Variants in CDH12 observed in about 807,000 individuals in gnomAD.
The protein encoded by CDH12 is cadherin 12.
In CDH12, 41 loss-of-function variants were observed where a neutral mutation model predicts 74.1. That is an observed-to-expected ratio of 0.55 (90% CI 0.43 to 0.72). The LOEUF (loss-of-function observed/expected upper bound fraction) is 0.72. CDH12 is among the 30% of genes least tolerant of loss of function. The pLI is 0.00. For missense variants in CDH12, 945 were observed against 977.2 expected, an observed-to-expected ratio of 0.97 and a Z score of 0.44; for synonymous variants, 399 against 355.0, an observed-to-expected ratio of 1.12 and a Z score of -1.39.
At chr5:22,065,259 C>A (rs1025458401) in intron 5 of CDH12, among the ~76,000 whole-genome samples, 1 of 152,066 alleles carries the variant, frequency 6.6e-6, no homozygotes, top group African/African-American at 2.4e-5. Flanking sequence ...CATTAAATAC[C>A]AAAAGAACTA....
intron 4 of CDH12, among the ~76,000 whole-genome samples, chr5:22,168,726 A>G (rs1748839657): frequency 6.6e-6 from 1 of 151,132 alleles, no homozygotes; most frequent in Non-Finnish European, 1.5e-5. Flanking sequence ...TGATTCAAAT[A>G]CTGTTTTGAG....
Position 22,497,937 on chromosome 5 carries a change from G to T in CDH12, c.-428+7333C>A, listed in dbSNP as rs1378890287. ...GGATTACAGGGATGAGCCAGCGTGA[G>T]CCACCGTGCCCAGCTGAACCTCTTC... On this transcript the variant is annotated intron_variant, in intron 2 of 14. Transcript: ENST00000382254. 3.3e-5 allele frequency among the ~76,000 whole-genome samples: 5 copies of T among 151,910 alleles called. No homozygotes were observed. In the East Asian group the frequency reaches 9.7e-4, roughly 30 times the overall value.
At chr5:22,599,221 C>T (rs375757859) in intron 1 of CDH12, among the ~76,000 whole-genome samples, 55 of 152,264 alleles carry the variant, frequency 3.6e-4, no homozygotes, top group African/African-American at 1.3e-3. Flanking sequence ...CAGAAAATTG[C>T]ACTATTCATT....
At chr5:22,585,147 CGTT>C (rs1740319257) in intron 1 of CDH12, among the ~76,000 whole-genome samples, 1 of 152,058 alleles carries the variant, frequency 6.6e-6, no homozygotes, top group Non-Finnish European at 1.5e-5. Context: ...CTGAAAGTAA[CGTT>C]GTTTTTGAAA....
At chr5:22,049,247 G>C (rs1740178963) in intron 5 of CDH12, among the ~76,000 whole-genome samples, 1 of 151,808 alleles carries the variant, frequency 6.6e-6, no homozygotes, top group African/African-American at 2.4e-5. Flanking sequence ...CTGATATCCA[G>C]AATTCAGCAA....
At chr5:22,716,611 T>TAA (rs34809327) in intron 1 of CDH12, among the ~76,000 whole-genome samples, 1 of 144,236 alleles carries the variant, frequency 6.9e-6, no homozygotes, top group Admixed American at 6.9e-5. Flanking sequence ...CCTGAAAACT[T>TAA]AAAAAAAAAA....
intron 1 of CDH12, among the ~76,000 whole-genome samples, chr5:22,576,453 T>C (rs1217439018): frequency 2.6e-5 from 4 of 152,168 alleles, no homozygotes; most frequent in Non-Finnish European, 5.9e-5. Flanking sequence ...ACATTAATCA[T>C]AAATTGAGAT....
chr5:22,723,325 T>C (rs1190223019), intron 1 of CDH12, among the ~76,000 whole-genome samples: 1 of 152,130 alleles, frequency 6.6e-6, no homozygotes. Flanking sequence ...TTACTTTGTA[T>C]GAAAAGTACA....
At chr5:22,498,901 CTTTTTTTTT>C (rs34550762) in intron 2 of CDH12, among the ~76,000 whole-genome samples, 8 of 73,434 alleles carry the variant, frequency 1.1e-4, no homozygotes, top group African/African-American at 5.4e-5. Context: ...TTTTCTGTTT[CTTTTTTTTT>C]TTTTTTTTTT....
chr5:22,314,420 C>T, intron 3 of CDH12, among the ~76,000 whole-genome samples: 1 of 152,090 alleles, frequency 6.6e-6, no homozygotes, highest in Admixed American at 6.6e-5. Flanking sequence ...GCGGAAGAGA[C>T]ATTCGGGTTG....
At chr5:22,101,245 C>T (rs1347767665) in intron 4 of CDH12, among the ~76,000 whole-genome samples, 2 of 151,532 alleles carry the variant, frequency 1.3e-5, no homozygotes, top group African/African-American at 2.4e-5. Context: ...ATTTCATCTC[C>T]ATACAGATAT....
At chr5:22,679,376 C>G (rs1169580683) in intron 1 of CDH12, among the ~76,000 whole-genome samples, 2 of 151,986 alleles carry the variant, frequency 1.3e-5, no homozygotes, top group African/African-American at 4.8e-5. Context: ...AAAGAGGATG[C>G]ATTTTGAAGA....
At chr5:22,835,559 A>C (rs1057383773) in intron 1 of CDH12, among the ~76,000 whole-genome samples, 4 of 152,164 alleles carry the variant, frequency 2.6e-5, no homozygotes, top group African/African-American at 9.7e-5. Context: ...GGGTTTATTT[A>C]GTGATTATTC....
chr5:22,028,306 A>C (rs1291401328), intron 5 of CDH12, among the ~76,000 whole-genome samples: 1 of 152,162 alleles, frequency 6.6e-6, no homozygotes, highest in Non-Finnish European at 1.5e-5. Flanking sequence ...AATTAGGAAA[A>C]GAAGAAGTCA....
At chr5:22,720,163 G>A (rs1010246480) in intron 1 of CDH12, among the ~76,000 whole-genome samples, 5 of 152,144 alleles carry the variant, frequency 3.3e-5, no homozygotes, top group African/African-American at 9.7e-5. Flanking sequence ...TGTTGAAGGA[G>A]GGACCCGGTG....
chr5:22,413,716 CACACAT>C (rs1561384687), intron 2 of CDH12, among the ~76,000 whole-genome samples: 1 of 151,944 alleles, frequency 6.6e-6, no homozygotes, highest in Non-Finnish European at 1.5e-5. Flanking sequence ...AGCATATAGA[CACACAT>C]ACATATAGAA....
chr5:21,950,552 C>G (rs1012477024), intron 6 of CDH12, among the ~76,000 whole-genome samples: 7 of 151,078 alleles, frequency 4.6e-5, no homozygotes, highest in Non-Finnish European at 8.9e-5. Flanking sequence ...GTTAAAAAAA[C>G]AAAAATCAAA....
intron 2 of CDH12, among the ~76,000 whole-genome samples, chr5:22,465,866 A>G (rs1275460713): frequency 1.3e-5 from 2 of 152,168 alleles, no homozygotes; most frequent in Non-Finnish European, 2.9e-5. Context: ...TACAAAAACT[A>G]TAATAGCTCA....
intron 2 of CDH12, among the ~76,000 whole-genome samples, chr5:22,440,277 C>G (rs187045874): frequency 1.4e-4 from 21 of 151,892 alleles, no homozygotes; most frequent in Non-Finnish European, 2.5e-4. Context: ...CATATTTGTT[C>G]CTTGATGAAA....
Sources: allele counts gnomAD v4.1 joint callset (sites outside exome capture counted in the v4.1 genomes callset), GRCh38; gene constraint gnomAD v4.1.1; transcripts MANE v1.5; gene names NCBI Gene and HGNC (gene_info 2026-07-23, HGNC 2026-07-21).